Variants in SFMBT2 observed in about 807,000 individuals in gnomAD.
The protein encoded by SFMBT2 is Scm like with four mbt domains 2.
In SFMBT2, 38 loss-of-function variants were observed where a neutral mutation model predicts 110.1. The observed-to-expected ratio is 0.35, with a 90% CI of 0.27 to 0.45. The LOEUF is 0.45. Among genes scored for constraint, SFMBT2 ranks in the 20% least tolerant of loss-of-function variants. SFMBT2 has a pLI of 1.00. For missense variants in SFMBT2, 1,011 were observed against 1,094.9 expected (o/e 0.92, Z 1.08); for synonymous variants, 425 against 425.4 (o/e 1.00, Z 0.01).
At chr10:7,183,666 CTG>C (rs1838310021) in intron 16 of SFMBT2, among the ~76,000 whole-genome samples, 1 of 152,232 alleles carries the variant, frequency 6.6e-6, no homozygotes, top group Admixed American at 6.5e-5. Context: ...AATCTCCTCT[CTG>C]GGGACGTTTC....
At chr10:7,265,100 A>C (rs1003889067) in intron 7 of SFMBT2, among the ~76,000 whole-genome samples, 1 of 151,042 alleles carries the variant, frequency 6.6e-6, no homozygotes, top group African/African-American at 2.5e-5. Context: ...CTGAGATTTT[A>C]ATTTTATGTT....
chr10:7,171,179 G>A lies in SFMBT2; in HGVS notation c.2416-123C>T, dbSNP rs962745194. On this transcript the variant is annotated intron_variant, in intron 19 of 20. Coordinates refer to ENST00000397167, the MANE Select transcript of SFMBT2 (RefSeq NM_001387889.1). The surrounding 1 kb of genome is among the most constrained non-coding windows in gnomAD (Gnocchi z 4.9). The stretch of plus-strand genomic sequence containing the variant: ...CACTGCCTCCCTTTGCTCCCTCACT[G>A]GGCACCTGAAAAAGCTGCACACACT... The A allele has an allele frequency of 2.0e-6, 3 of 1,516,378 alleles. No individual in the cohort carries two copies. The highest frequency in any genetic ancestry group is 2.7e-5 in the African/African-American group (2 of 72,930). The allele number at this position is 1,516,378 out of a possible 1,614,324, so 93.9% of individuals were successfully genotyped here. A position where few individuals can be genotyped will look rare whatever the true frequency, so the allele number is the denominator to read the frequency against.
At chr10:7,270,296 G>A (rs753358605) in intron 7 of SFMBT2, among the ~76,000 whole-genome samples, 1 of 152,146 alleles carries the variant, frequency 6.6e-6, no homozygotes, top group Admixed American at 6.5e-5. Context: ...GCCTTCAGGG[G>A]AGTGTGGTCC....
Position 7,348,268 on chromosome 10 carries a change from A to G in SFMBT2, c.436+19381T>C, listed in dbSNP as rs891627971. 18 of 1,509,476 alleles carry G rather than the reference A, an allele frequency of 1.2e-5. No homozygotes were observed. In the African/African-American group the frequency reaches 2.4e-4, roughly 20 times the overall value. The allele number at this position is 1,509,476 out of a possible 1,614,324, so 93.5% of individuals were successfully genotyped here. A position where few individuals can be genotyped will look rare whatever the true frequency, so the allele number is the denominator to read the frequency against. On this transcript the variant is annotated intron_variant, in intron 4 of 20. Transcript: ENST00000397167. ...TTTCATTTCGTGACGGTCTCGAAGA[A>G]GTTTTGAGACATCCTTTTCTAAGAA...
intron 7 of SFMBT2, among the ~76,000 whole-genome samples, chr10:7,252,921 G>A (rs1227992896): frequency 1.3e-5 from 2 of 152,268 alleles, no homozygotes; most frequent in African/African-American, 4.8e-5. Flanking sequence ...AATTAGAGAG[G>A]GTTGTAAGTT....
In SFMBT2 at chr10:7,205,833, C is replaced by G; in HGVS notation, c.1426G>C (p.Ala476Pro). The stretch of plus-strand genomic sequence containing the variant: ...CACTTACAGACTGTTTTGTGTGGTG[C>G]AGTCAAAGGATAAGAATTGGCTTCA... The part of the protein sequence containing the change: ...WCEANSYPLT[A>P]PHKTVSQKKR... The change falls in exon 12 of 21, where the codon GCA becomes CCA. Residue 476 changes from alanine (A) to proline (P), a missense_variant. Ala to Pro is a conservative substitution (Grantham distance 27, BLOSUM62 -1). Around this residue, in one of 2 missense-constraint regions of SFMBT2, gnomAD observed 979 missense variants for 1,016.1 expected, o/e 0.96. Coordinates refer to ENST00000397167, the MANE Select transcript of SFMBT2 (RefSeq NM_001387889.1). 1 of 1,613,934 alleles carries G rather than the reference C, an allele frequency of 6.2e-7. No homozygotes were observed. The highest frequency in any genetic ancestry group is 8.5e-7 in the Non-Finnish European group (1 of 1,179,878).
rs147987851 is a variant in SFMBT2, at chr10:7,259,384, C to T, written c.871-10735G>A. On this transcript the variant is annotated intron_variant, in intron 7 of 20. Coordinates refer to ENST00000397167, the MANE Select transcript of SFMBT2 (RefSeq NM_001387889.1). ...GCCTTCCTCACACCCCAGCTGCCCT[C>T]GGCTCCCTCCATCAACCACTTCCAG... Among the ~76,000 whole-genome samples the T allele has an allele frequency of 6.6e-4, 101 of 152,350 alleles. No individual in the cohort carries two copies. The Middle Eastern group carries it at 0.017, about 26-fold the overall frequency.
intron 2 of SFMBT2, among the ~76,000 whole-genome samples, chr10:7,377,227 T>C (rs1020545734): frequency 6.6e-6 from 1 of 151,572 alleles, no homozygotes; most frequent in African/African-American, 2.4e-5. Flanking sequence ...TTGATTTTCC[T>C]TTCTTCGATC....
intron 4 of SFMBT2, among the ~76,000 whole-genome samples, chr10:7,346,234 T>C (rs1353936416): frequency 6.6e-6 from 1 of 152,228 alleles, no homozygotes. Context: ...ACCAGCCTTT[T>C]AAAATAATCT....
intron 2 of SFMBT2, among the ~76,000 whole-genome samples, chr10:7,372,585 A>G (rs1845092803): frequency 6.6e-6 from 1 of 152,232 alleles, no homozygotes; most frequent in African/African-American, 2.4e-5. Flanking sequence ...GGATGACACC[A>G]AGAAGTTTAG....
intron 7 of SFMBT2, among the ~76,000 whole-genome samples, chr10:7,276,227 T>C (rs1841770403): frequency 6.6e-6 from 1 of 152,206 alleles, no homozygotes; most frequent in African/African-American, 2.4e-5. Flanking sequence ...CCTCGGGACA[T>C]CAAGAAAACT....
intron 16 of SFMBT2, among the ~76,000 whole-genome samples, chr10:7,177,902 C>A (rs868413704): frequency 6.6e-6 from 1 of 151,832 alleles, no homozygotes; most frequent in South Asian, 2.1e-4. Context: ...GAAAAGCCAC[C>A]AGGGGTGTAC....
In SFMBT2 at chr10:7,367,103, G is replaced by A. The variant is rs1844933008; in HGVS notation, c.436+546C>T. ...TTTTAATTATACCTTAAGTTTTAGGGCACAAGTGCTGTATGGTTTTCTAAA... is the reference window on the plus strand; with the variant it reads ...TTTTAATTATACCTTAAGTTTTAGGACACAAGTGCTGTATGGTTTTCTAAA... On this transcript the variant is annotated intron_variant, in intron 4 of 20. Coordinates refer to ENST00000397167, the MANE Select transcript of SFMBT2 (RefSeq NM_001387889.1). This position sits in a 1 kb window ranked among gnomAD's most constrained non-coding sequence, Gnocchi z 6.2. Among the ~76,000 whole-genome samples the A allele has an allele frequency of 6.6e-6, 1 of 150,998 alleles. No homozygotes were observed.
intron 4 of SFMBT2, among the ~76,000 whole-genome samples, chr10:7,302,457 A>C (rs576219575): frequency 2.9e-4 from 44 of 152,218 alleles, no homozygotes; most frequent in Non-Finnish European, 5.7e-4. Context: ...GGGAGCTCAC[A>C]GCTCCAAACG....
At chr10:7,272,803 A>AT (rs1564415704) in intron 7 of SFMBT2, among the ~76,000 whole-genome samples, 1 of 152,006 alleles carries the variant, frequency 6.6e-6, no homozygotes, top group Non-Finnish European at 1.5e-5. Flanking sequence ...ACCCTCTTTC[A>AT]TTTTTTTGAG....
chr10:7,394,116 C>A (rs7920762), intron 1 of SFMBT2, among the ~76,000 whole-genome samples: 10 of 152,130 alleles, frequency 6.6e-5, no homozygotes, highest in Non-Finnish European at 1.0e-4. Flanking sequence ...CCTCCTAACT[C>A]AGCCTCTCAA....
At chr10:7,246,968 G>C (rs1840636288) in intron 8 of SFMBT2, among the ~76,000 whole-genome samples, 1 of 152,066 alleles carries the variant, frequency 6.6e-6, no homozygotes, top group African/African-American at 2.4e-5. Context: ...AGGATACACA[G>C]TAAAGAACTC....
chr10:7,205,731 G>T lies in SFMBT2; in HGVS notation c.1444+84C>A, dbSNP rs186348191. The T allele has an allele frequency of 1.1e-3, 1,678 of 1,509,052 alleles. 20 individuals carry two copies. In the African/African-American group the frequency reaches 0.02, roughly 18 times the overall value. The allele number at this position is 1,509,052 out of a possible 1,614,324, so 93.5% of individuals were successfully genotyped here. ...AAATCTTATTTGTTCTTTAGAACTTGGTTATAATTTCTTTATGAAGCTGCC... is the reference window on the plus strand; with the variant it reads ...AAATCTTATTTGTTCTTTAGAACTTTGTTATAATTTCTTTATGAAGCTGCC... On this transcript the variant is annotated intron_variant, in intron 12 of 20. Coordinates refer to ENST00000397167, the MANE Select transcript of SFMBT2 (RefSeq NM_001387889.1).
chr10:7,371,311 G>A (rs1845059498), intron 2 of SFMBT2, among the ~76,000 whole-genome samples: 1 of 152,130 alleles, frequency 6.6e-6, no homozygotes, highest in African/African-American at 2.4e-5. Context: ...TTTTAGTAGA[G>A]ACAGAGTTTC....
Sources: allele counts gnomAD v4.1 joint callset (sites outside exome capture counted in the v4.1 genomes callset), GRCh38; gene constraint gnomAD v4.1.1; regional missense constraint gnomAD v4.1.1; non-coding constraint Gnocchi (gnomAD v3.1); transcripts MANE v1.5; gene names NCBI Gene and HGNC (gene_info 2026-07-23, HGNC 2026-07-21).